Variants in OR7E24 observed in about 807,000 individuals in gnomAD.
OR7E24 encodes olfactory receptor family 7 subfamily E member 24.
For synonymous variants in OR7E24, 130 were observed against 157.5 expected, an observed-to-expected ratio of 0.83 and a Z score of 1.31; for missense variants, 385 against 410.3, an observed-to-expected ratio of 0.94 and a Z score of 0.53.
the OR7E24 span, chr19:9,214,490 G>A: frequency 1.8e-4 from 284 of 1,614,052 alleles, 3 homozygotes; most frequent in South Asian, 6.5e-4. Flanking sequence ...AGGCCATCAC[G>A]GCCAGTAGGA....
chr19:9,221,390 A>G, the OR7E24 span, among the ~76,000 whole-genome samples: 1 of 93,990 alleles, frequency 1.1e-5, no homozygotes. Context: ...TCGCTCTGTC[A>G]CCCAGGCTGG....
At chr19:9,222,778 G>A in the OR7E24 span, among the ~76,000 whole-genome samples, 1 of 152,034 alleles carries the variant, frequency 6.6e-6, no homozygotes, top group Non-Finnish European at 1.5e-5. Flanking sequence ...TTCCAGTTTG[G>A]ATGTCTTTTA....
intron 1 of OR7E24, chr19:9,251,045 TG>T: frequency 6.4e-7 from 1 of 1,565,786 alleles, no homozygotes; most frequent in Non-Finnish European, 8.7e-7. Context: ...GGTTTACTTA[TG>T]TCCTATTTTC....
At chr19:9,214,139 G>T in the OR7E24 span, 1 of 1,614,086 alleles carries the variant, frequency 6.2e-7, no homozygotes, top group Non-Finnish European at 8.5e-7. Context: ...CTTTGTACTT[G>T]CCCTTGGTGG....
chr19:9,219,899 A>AAAGATTAATTT, the OR7E24 span, among the ~76,000 whole-genome samples: 1 of 152,176 alleles, frequency 6.6e-6, no homozygotes. Context: ...TGCCCTAAGG[A>AAAGATTAATTT]AAGATTAATT....
upstream of OR7E24, among the ~76,000 whole-genome samples, chr19:9,247,176 A>G (rs2066132804): frequency 6.6e-6 from 1 of 152,178 alleles, no homozygotes; most frequent in South Asian, 2.1e-4. Context: ...GAAGAGCCCA[A>G]AAGCTTCTGT....
the OR7E24 span, chr19:9,207,218 A>G: frequency 1.3e-5 from 2 of 152,228 alleles, no homozygotes; most frequent in African/African-American, 4.8e-5. Flanking sequence ...GCGTACTGAA[A>G]GGGAAAATAG....
the OR7E24 span, among the ~76,000 whole-genome samples, chr19:9,236,647 T>G: frequency 6.6e-6 from 1 of 151,968 alleles, no homozygotes; most frequent in Non-Finnish European, 1.5e-5. Context: ...TCTCAGTAAT[T>G]CCTTTTAAAG....
rs771860039 is a variant in OR7E24 at position 9,251,779 on chromosome 19, G to A, written c.736G>A (p.Val246Ile). The change falls in exon 1 of 1, where the codon GTT (valine) becomes ATT (isoleucine). Residue 246 changes from valine (V) to isoleucine (I), a missense_variant. Physicochemically the swap from Val to Ile is conservative, Grantham distance 29 (BLOSUM62 3). Coordinates refer to ENST00000456448, the MANE Select transcript of OR7E24 (RefSeq NM_001079935.2). ...TAAAATTGTTTCCCCCATTCTGAGA[G>A]TTCCAACATCAGATGGGAAGTATAA... is the stretch of plus-strand genomic sequence containing the variant. Reference protein sequence around the residue: ...YYKIVSPILRVPTSDGKYKAF... With the variant: ...YYKIVSPILRIPTSDGKYKAF... 2 of 1,612,254 alleles carry A rather than the reference G, an allele frequency of 1.2e-6. No individual in the cohort carries two copies. Among genetic ancestry groups the A allele is most frequent in the South Asian group, 1.1e-5 (1 of 90,804 alleles).
At chr19:9,221,248 G>C in the OR7E24 span, among the ~76,000 whole-genome samples, 2 of 149,110 alleles carry the variant, frequency 1.3e-5, no homozygotes, top group East Asian at 4.0e-4. Context: ...CTCCAGCCTG[G>C]GTGACAGAGC....
chr19:9,208,602 A>G, the OR7E24 span: 3 of 152,032 alleles, frequency 2.0e-5, no homozygotes, highest in Non-Finnish European at 4.4e-5. Context: ...TGAGCTACCA[A>G]AAGTCCATGT....
chr19:9,241,720 C>A, the OR7E24 span, among the ~76,000 whole-genome samples: 4 of 152,090 alleles, frequency 2.6e-5, no homozygotes, highest in African/African-American at 4.8e-5. Context: ...GCTGAGATTG[C>A]GCCATTGCAT....
Position 9,251,770 on chromosome 19 carries a change from A to G in OR7E24, c.727A>G (p.Ile243Val), listed in dbSNP as rs2066149589. ...LFSYYKIVSP[I>V]LRVPTSDGKY... ...CTCTTACTATAAAATTGTTTCCCCC[A>G]TTCTGAGAGTTCCAACATCAGATGG... The change falls in exon 1 of 1, where the codon ATT (isoleucine) becomes GTT (valine). Residue 243 changes from isoleucine (I) to valine (V), a missense_variant. Ile to Val is a conservative substitution (Grantham distance 29, BLOSUM62 3). Transcript: ENST00000456448. 6.2e-7 allele frequency: 1 copy of G among 1,611,796 alleles called. No individual in the cohort carries two copies. The highest frequency in any genetic ancestry group is 8.5e-7 in the Non-Finnish European group (1 of 1,178,872).
At chr19:9,213,875 T>A in the OR7E24 span, 6 of 1,565,912 alleles carry the variant, frequency 3.8e-6, no homozygotes, top group Non-Finnish European at 5.3e-6. Flanking sequence ...CAGTGTGTCC[T>A]CTTAGTTCTG....
At chr19:9,214,356 A>G in the OR7E24 span, 1 of 1,614,168 alleles carries the variant, frequency 6.2e-7, no homozygotes, top group Non-Finnish European at 8.5e-7. Context: ...CTTCATCAGT[A>G]GAATATGAAC....
At chr19:9,214,246 C>G in the OR7E24 span, 1 of 1,614,158 alleles carries the variant, frequency 6.2e-7, no homozygotes, top group Non-Finnish European at 8.5e-7. Flanking sequence ...ACATACAAGA[C>G]AATGTTATTG....
chr19:9,207,252 T>A, the OR7E24 span: 1 of 152,230 alleles, frequency 6.6e-6, no homozygotes, highest in Non-Finnish European at 1.5e-5. Context: ...GGTAACAACA[T>A]CCCTAAAACT....
chr19:9,220,059 A>AT, the OR7E24 span, among the ~76,000 whole-genome samples: 3 of 151,750 alleles, frequency 2.0e-5, no homozygotes, highest in East Asian at 1.9e-4. Flanking sequence ...ATTTTTATAT[A>AT]TTTTTTTAAA....
chr19:9,211,435 C>T, the OR7E24 span: 6 of 152,230 alleles, frequency 3.9e-5, no homozygotes, highest in African/African-American at 1.4e-4. Flanking sequence ...GAATTAGGGT[C>T]TTATCCAACT....
Sources: allele counts gnomAD v4.1 joint callset (sites outside exome capture counted in the v4.1 genomes callset), GRCh38; gene constraint gnomAD v4.1.1; transcripts MANE v1.5; gene names NCBI Gene and HGNC (gene_info 2026-07-23, HGNC 2026-07-21).